CELF4: variants seen among roughly 807,000 people sequenced by gnomAD.
The protein encoded by CELF4 is CUG-BP- and ETR-3-like factor 4.
A neutral mutation model predicts 59.9 loss-of-function variants in CELF4; 18 were observed. That is an observed-to-expected ratio of 0.30 (90% confidence interval 0.21 to 0.45). The LOEUF is 0.45. Among genes scored for constraint, CELF4 ranks in the 20% least tolerant of loss-of-function variants. The probability of loss-of-function intolerance (pLI) is 1.00; values close to 1 mark genes in which losing one functional copy is unlikely to be tolerated. For missense variants in CELF4, 456 were observed against 689.0 expected, an observed-to-expected ratio of 0.66 and a Z score of 3.79; for synonymous variants, 261 against 267.1, an observed-to-expected ratio of 0.98 and a Z score of 0.22.
chr18:37,481,015 AAAG>A (rs2099865423), intron 2 of CELF4, among the ~76,000 whole-genome samples: 1 of 152,176 alleles, frequency 6.6e-6, no homozygotes, highest in Non-Finnish European at 1.5e-5. Flanking sequence ...TGGTAAACTC[AAAG>A]AAGGTCACAT....
Position 37,565,783 on chromosome 18 carries a change from C to T in CELF4, c.-142G>A, listed in dbSNP as rs144826356. ...GTTTCTCTACACCTCGCTCTCCGCT[C>T]GCTCTCTGCTCTCTCTCTTTCTCCT... is the stretch of plus-strand genomic sequence containing the variant. On this transcript the variant is annotated 5_prime_UTR_variant, in exon 1 of 13. Transcript: ENST00000420428. 7.6e-5 allele frequency: 44 copies of T among 581,168 alleles called. No homozygotes were observed. The Middle Eastern group carries it at 1.4e-3, about 19-fold the overall frequency. The allele number at this position is 581,168 out of a possible 1,614,324, so 36.0% of individuals were successfully genotyped here.
chr18:37,430,441 G>A (rs555353302), intron 2 of CELF4, among the ~76,000 whole-genome samples: 2 of 152,314 alleles, frequency 1.3e-5, no homozygotes, highest in Admixed American at 6.5e-5. Context: ...ATTGCAGTGG[G>A]CCCTCCACCC....
At chr18:37,293,189 C>A (rs2095445736) in intron 3 of CELF4, among the ~76,000 whole-genome samples, 1 of 152,242 alleles carries the variant, frequency 6.6e-6, no homozygotes, top group Admixed American at 6.5e-5. Flanking sequence ...TACCAAAATG[C>A]CACAAACTGG....
rs1262601008 is a variant in CELF4 at position 37,534,892 on chromosome 18, G to A, written c.286+30464C>T. On this transcript the variant is annotated intron_variant, in intron 1 of 12. Transcript: ENST00000420428. ...TGTTTACAGAACCCCTTCTGAAAGC[G>A]AGCAGGGGCTGGGGCTGCACAGCAC... is the stretch of plus-strand genomic sequence containing the variant. Among the ~76,000 whole-genome samples the A allele has an allele frequency of 5.3e-5, 8 of 152,164 alleles. 1 individual carries two copies. The South Asian group carries it at 6.2e-4, about 12-fold the overall frequency.
At chr18:37,476,442 C>T (rs1447021292) in intron 2 of CELF4, among the ~76,000 whole-genome samples, 2 of 152,230 alleles carry the variant, frequency 1.3e-5, no homozygotes, top group African/African-American at 4.8e-5. Flanking sequence ...AAAAAGGGTG[C>T]TTGAACCACA....
chr18:37,523,310 G>C (rs181084672), intron 1 of CELF4, among the ~76,000 whole-genome samples: 1 of 152,302 alleles, frequency 6.6e-6, no homozygotes, highest in African/African-American at 2.4e-5. Flanking sequence ...CTCTCTTGGG[G>C]CCAGGAGGCC....
chr18:37,522,516 C>T (rs561010690), intron 1 of CELF4, among the ~76,000 whole-genome samples: 3 of 152,044 alleles, frequency 2.0e-5, no homozygotes, highest in Non-Finnish European at 4.4e-5. Flanking sequence ...TGTGTGTGAG[C>T]GCGCACACAC....
intron 1 of CELF4, among the ~76,000 whole-genome samples, chr18:37,490,928 G>C (rs1001209588): frequency 4.6e-5 from 7 of 152,186 alleles, no homozygotes; most frequent in Admixed American, 4.6e-4. Flanking sequence ...TTAGGGGTCA[G>C]CGCTTTCTGT....
chr18:37,266,945 G>A (rs1019675732), intron 8 of CELF4, among the ~76,000 whole-genome samples: 1 of 149,828 alleles, frequency 6.7e-6, no homozygotes. Context: ...GGTGGGGGGG[G>A]ACACACAAGG....
At chr18:37,343,279 C>G (rs1373028935) in intron 2 of CELF4, among the ~76,000 whole-genome samples, 2 of 150,656 alleles carry the variant, frequency 1.3e-5, no homozygotes, top group African/African-American at 4.9e-5. Context: ...TGTTGTGAGG[C>G]CCTGTGTGCA....
At chr18:37,376,463 T>C (rs960347597) in intron 2 of CELF4, among the ~76,000 whole-genome samples, 6 of 152,236 alleles carry the variant, frequency 3.9e-5, no homozygotes, top group Non-Finnish European at 8.8e-5. Flanking sequence ...TCTTGCTTTC[T>C]TCTGCAATTC....
intron 2 of CELF4, among the ~76,000 whole-genome samples, chr18:37,484,334 G>T (rs2154603130): frequency 1.3e-5 from 2 of 152,276 alleles, no homozygotes; most frequent in South Asian, 4.2e-4. Context: ...AGGGCACCCA[G>T]AAAGTAATTA....
At chr18:37,545,631 C>G (rs944435614) in intron 1 of CELF4, among the ~76,000 whole-genome samples, 1 of 152,168 alleles carries the variant, frequency 6.6e-6, no homozygotes, top group Non-Finnish European at 1.5e-5. Flanking sequence ...TGCCTCTGGC[C>G]TCGCTGGTCG....
chr18:37,299,890 G>T (rs559025261), intron 3 of CELF4, among the ~76,000 whole-genome samples: 1 of 151,780 alleles, frequency 6.6e-6, no homozygotes, highest in East Asian at 1.9e-4. Flanking sequence ...CAGAGCTCCC[G>T]GGCCCATACT....
chr18:37,525,369 C>T (rs1248440771), intron 1 of CELF4, among the ~76,000 whole-genome samples: 6 of 152,174 alleles, frequency 3.9e-5, no homozygotes, highest in Non-Finnish European at 7.3e-5. Flanking sequence ...TTAGAAGAGG[C>T]ATGGCCACGC....
At chr18:37,485,274 G>A (rs1321304845) in intron 2 of CELF4, among the ~76,000 whole-genome samples, 1 of 151,718 alleles carries the variant, frequency 6.6e-6, no homozygotes, top group Admixed American at 6.6e-5. Flanking sequence ...CCCGGGACGC[G>A]CCGCTCCCCC....
intron 2 of CELF4, among the ~76,000 whole-genome samples, chr18:37,361,944 G>T (rs920880524): frequency 6.6e-6 from 1 of 152,122 alleles, no homozygotes; most frequent in Non-Finnish European, 1.5e-5. Context: ...GCTTCAGAGG[G>T]TACCCAGGGG....
At chr18:37,505,892 C>G (rs913348321) in intron 1 of CELF4, among the ~76,000 whole-genome samples, 1 of 152,172 alleles carries the variant, frequency 6.6e-6, no homozygotes, top group African/African-American at 2.4e-5. Context: ...TCTGGATTGC[C>G]CAGTCCTCCC....
At chr18:37,321,712 G>A in intron 3 of CELF4, 91 bp downstream of exon 3, 1 of 891,518 alleles carries the variant, frequency 1.1e-6, no homozygotes, top group Non-Finnish European at 1.8e-6. Context: ...AGAGGAGGAG[G>A]CGGGGAGTCG....
Sources: allele counts gnomAD v4.1 joint callset (sites outside exome capture counted in the v4.1 genomes callset), GRCh38; gene constraint gnomAD v4.1.1; transcripts MANE v1.5; gene names NCBI Gene and HGNC (gene_info 2026-07-23, HGNC 2026-07-21).